Variants in GRID2 observed in about 807,000 individuals in gnomAD.
The protein encoded by GRID2 is glutamate receptor ionotropic, delta-2.
Under a neutral mutation model 114.8 loss-of-function variants are expected in GRID2, and 33 were observed. The ratio of observed to expected loss-of-function variants is 0.29; its 90% confidence interval spans 0.22 to 0.38. GRID2 has a LOEUF of 0.38. GRID2 is among the 10% of genes least tolerant of loss of function. The probability of loss-of-function intolerance (pLI) is 1.00; values close to 1 mark genes in which losing one functional copy is unlikely to be tolerated. For missense variants in GRID2, 1,184 were observed against 1,257.7 expected, an observed-to-expected ratio of 0.94 and a Z score of 0.89; for synonymous variants, 505 against 449.9, an observed-to-expected ratio of 1.12 and a Z score of -1.55.
At chr4:93,546,729 C>T (rs1175965959) in intron 13 of GRID2, among the ~76,000 whole-genome samples, 1 of 152,146 alleles carries the variant, frequency 6.6e-6, no homozygotes, top group Non-Finnish European at 1.5e-5. Flanking sequence ...TCTAAAGATG[C>T]AGCGGAGTCA....
chr4:93,762,316 T>C (rs1733280374), intron 14 of GRID2, among the ~76,000 whole-genome samples: 1 of 152,176 alleles, frequency 6.6e-6, no homozygotes, highest in South Asian at 2.1e-4. Context: ...TTAATTTTGG[T>C]TACATAAAAC....
intron 1 of GRID2, among the ~76,000 whole-genome samples, chr4:92,318,716 T>A (rs538531605): frequency 6.8e-4 from 103 of 151,792 alleles, no homozygotes; most frequent in African/African-American, 2.4e-3. Context: ...TCAAATGATC[T>A]GCCCACCTCA....
intron 2 of GRID2, among the ~76,000 whole-genome samples, chr4:92,852,191 G>A (rs1021869221): frequency 4.6e-5 from 7 of 151,890 alleles, no homozygotes; most frequent in African/African-American, 1.7e-4. Context: ...ATTTAAGGCA[G>A]GATAGAGATG....
At chr4:93,313,999 C>A (rs1756302418) in intron 8 of GRID2, among the ~76,000 whole-genome samples, 1 of 152,010 alleles carries the variant, frequency 6.6e-6, no homozygotes, top group Admixed American at 6.6e-5. Flanking sequence ...TATCTTGGAA[C>A]TATTGTATAA....
At chr4:92,352,879 G>A (rs1350773562) in intron 1 of GRID2, among the ~76,000 whole-genome samples, 2 of 151,844 alleles carry the variant, frequency 1.3e-5, no homozygotes, top group Non-Finnish European at 2.9e-5. Flanking sequence ...ATTTGTTCTA[G>A]TAGGAGTTTT....
At chr4:93,277,241 A>G (rs1752152419) in intron 8 of GRID2, among the ~76,000 whole-genome samples, 1 of 151,984 alleles carries the variant, frequency 6.6e-6, no homozygotes, top group East Asian at 1.9e-4. Flanking sequence ...ATAGAATAAC[A>G]TGTCCATTAT....
intron 2 of GRID2, among the ~76,000 whole-genome samples, chr4:92,760,655 T>C (rs1034819100): frequency 3.9e-5 from 6 of 152,194 alleles, no homozygotes; most frequent in Non-Finnish European, 8.8e-5. Context: ...CAGCATGTCC[T>C]GATAAATCTC....
intron 1 of GRID2, among the ~76,000 whole-genome samples, chr4:93,788,962 A>C (rs542017811): frequency 1.3e-5 from 2 of 152,330 alleles, no homozygotes; most frequent in South Asian, 4.1e-4. Flanking sequence ...CTCCTTGACA[A>C]CACAATGGAA....
At chr4:92,600,065 T>TATATATAC (rs1729150620) in intron 2 of GRID2, among the ~76,000 whole-genome samples, 2 of 127,344 alleles carry the variant, frequency 1.6e-5, no homozygotes, top group African/African-American at 6.3e-5. Flanking sequence ...TATATATATA[T>TATATATAC]ATATATATAT....
intron 4 of GRID2, among the ~76,000 whole-genome samples, chr4:93,147,539 C>T (rs893539126): frequency 3.3e-5 from 5 of 152,110 alleles, no homozygotes; most frequent in African/African-American, 1.2e-4. Flanking sequence ...CAATGCTGAT[C>T]ACTTCTTGAA....
At chr4:92,664,558 A>T (rs1732676490) in intron 2 of GRID2, among the ~76,000 whole-genome samples, 1 of 150,786 alleles carries the variant, frequency 6.6e-6, no homozygotes, top group African/African-American at 2.4e-5. Flanking sequence ...TGTCTGTTAG[A>T]CCTAGTTAGC....
At chr4:93,227,469 T>G (rs932813549) in intron 7 of GRID2, among the ~76,000 whole-genome samples, 1 of 152,044 alleles carries the variant, frequency 6.6e-6, no homozygotes, top group African/African-American at 2.4e-5. Context: ...CCTCATGATC[T>G]GCCTGCCTCA....
chr4:93,003,540 C>T (rs1721214556), intron 2 of GRID2, among the ~76,000 whole-genome samples: 1 of 151,904 alleles, frequency 6.6e-6, no homozygotes, highest in African/African-American at 2.4e-5. Context: ...AATTTACATA[C>T]ATTTGTGATA....
At chr4:92,843,195 T>C (rs1743043486) in intron 2 of GRID2, among the ~76,000 whole-genome samples, 1 of 152,028 alleles carries the variant, frequency 6.6e-6, no homozygotes, top group South Asian at 2.1e-4. Flanking sequence ...TAAGCTGTGA[T>C]TGCACCACTG....
At chr4:92,652,055 C>T (rs1176317670) in intron 2 of GRID2, among the ~76,000 whole-genome samples, 1 of 152,062 alleles carries the variant, frequency 6.6e-6, no homozygotes, top group Middle Eastern at 3.2e-3. Flanking sequence ...TCCTCAGGAT[C>T]AATCACATAC....
At chr4:93,459,670 A>G (rs1723556364) in intron 11 of GRID2, among the ~76,000 whole-genome samples, 1 of 152,024 alleles carries the variant, frequency 6.6e-6, no homozygotes, top group South Asian at 2.1e-4. Flanking sequence ...CAATATGCTG[A>G]TGACTCCCAG....
intron 13 of GRID2, among the ~76,000 whole-genome samples, chr4:93,566,303 A>G (rs1446492477): frequency 6.6e-6 from 1 of 152,312 alleles, no homozygotes; most frequent in South Asian, 2.1e-4. Flanking sequence ...TTTTATTTAT[A>G]TAGGGCATTC....
At chr4:92,917,170 G>C (rs771727515) in intron 2 of GRID2, among the ~76,000 whole-genome samples, 5 of 152,198 alleles carry the variant, frequency 3.3e-5, no homozygotes, top group Admixed American at 6.5e-5. Flanking sequence ...TTTGAGAAGT[G>C]TCTGTTCATA....
At chr4:92,471,927 T>TATGAATGTCAATAGTTCATTGC (rs1560653188) in intron 1 of GRID2, among the ~76,000 whole-genome samples, 8 of 30,624 alleles carry the variant, frequency 2.6e-4, no homozygotes, top group Admixed American at 8.1e-4. Flanking sequence ...TCCATATTTC[T>TATGAATGTCAATAGTTCATTGC]TTTTTTTTTT....
Sources: gnomAD v4.1 joint callset for allele counts (sites outside exome capture counted in the v4.1 genomes callset) on GRCh38, gnomAD v4.1.1 for gene constraint, MANE v1.5 for transcripts, NCBI Gene and HGNC (gene_info 2026-07-23, HGNC 2026-07-21) for gene names.